SSH2: variants seen among roughly 807,000 people sequenced by gnomAD.
SSH2 encodes slingshot protein phosphatase 2, also known as protein phosphatase Slingshot homolog 2.
SSH2 carries 37 observed loss-of-function variants against 135.2 expected under a neutral mutation model. That is an observed-to-expected ratio of 0.27 (90% CI 0.21 to 0.36). SSH2 has a LOEUF of 0.36. SSH2 is among the 10% of genes least tolerant of loss of function. The pLI, the probability that SSH2 is intolerant of heterozygous loss-of-function variation, is 1.00. For missense variants in SSH2, 1,408 were observed against 1,765.3 expected (o/e 0.80, Z 3.63); for synonymous variants, 628 against 646.2 (o/e 0.97, Z 0.43).
At chr17:29,734,458 C>T (rs1394208754) in intron 3 of SSH2, among the ~76,000 whole-genome samples, 1 of 152,044 alleles carries the variant, frequency 6.6e-6, no homozygotes, top group Non-Finnish European at 1.5e-5. Flanking sequence ...AATTCTTGGC[C>T]CTCAGTGCAC....
chr17:29,651,674 T>C (rs536502365), intron 12 of SSH2, among the ~76,000 whole-genome samples: 1 of 152,316 alleles, frequency 6.6e-6, no homozygotes, highest in South Asian at 2.1e-4. Flanking sequence ...AATGTGAAGT[T>C]CCATAAACCC....
At chr17:29,675,602 T>A (rs1479485905) in intron 8 of SSH2, among the ~76,000 whole-genome samples, 1 of 151,746 alleles carries the variant, frequency 6.6e-6, no homozygotes. Context: ...AAGACCAGCC[T>A]GGGCAACACA....
At chr17:29,696,077 AT>A (rs1328988044) in intron 4 of SSH2, among the ~76,000 whole-genome samples, 1 of 151,686 alleles carries the variant, frequency 6.6e-6, no homozygotes, top group Non-Finnish European at 1.5e-5. Flanking sequence ...AGTGACTGAT[AT>A]TATTATTATT....
At chr17:29,705,625 A>T (rs539285843) in intron 3 of SSH2, among the ~76,000 whole-genome samples, 54 of 152,304 alleles carry the variant, frequency 3.5e-4, no homozygotes, top group African/African-American at 1.3e-3. Context: ...AAATAAAAAA[A>T]CCAGTCTTTA....
At chr17:29,782,140 C>T (rs113606204) in intron 3 of SSH2, among the ~76,000 whole-genome samples, 12 of 152,276 alleles carry the variant, frequency 7.9e-5, no homozygotes, top group South Asian at 2.1e-4. Context: ...GCCACCATGC[C>T]GGCCCTATGT....
chr17:29,913,317 CAAAAAAAAAAAAA>C (rs1207663146), intron 1 of SSH2, among the ~76,000 whole-genome samples: 2 of 3,428 alleles, frequency 5.8e-4, no homozygotes, highest in Non-Finnish European at 1.1e-3. Context: ...GACGCCATCT[CAAAAAAAAAAAAA>C]AAAAAAAAAA....
At chr17:29,903,123 C>T (rs2066590565) in intron 1 of SSH2, among the ~76,000 whole-genome samples, 1 of 151,648 alleles carries the variant, frequency 6.6e-6, no homozygotes. Context: ...GAAGTAGAGG[C>T]TGCAGTGAGC....
At chr17:29,639,197 A>G (rs1249647261) in intron 14 of SSH2, among the ~76,000 whole-genome samples, 1 of 152,156 alleles carries the variant, frequency 6.6e-6, no homozygotes, top group Non-Finnish European at 1.5e-5. Flanking sequence ...CATTTTATGA[A>G]AGAGGTCTGA....
At chr17:29,739,555 G>A (rs899777723) in intron 3 of SSH2, among the ~76,000 whole-genome samples, 8 of 152,204 alleles carry the variant, frequency 5.3e-5, no homozygotes, top group African/African-American at 1.2e-4. Context: ...TGAAGATTAC[G>A]TATTTGTAGT....
chr17:29,906,101 C>T (rs1027902576), intron 1 of SSH2, among the ~76,000 whole-genome samples: 1 of 152,196 alleles, frequency 6.6e-6, no homozygotes, highest in Non-Finnish European at 1.5e-5. Flanking sequence ...TCGTCTTCTT[C>T]ACCCTTCATT....
Position 29,702,943 on chromosome 17 carries a change from T to C in SSH2, c.292+16A>G. 6.4e-7 allele frequency: 1 copy of C among 1,558,056 alleles called. No individual in the cohort carries two copies. The highest frequency in any genetic ancestry group is 8.9e-7 in the Non-Finnish European group (1 of 1,129,032). On this transcript the variant is annotated intron_variant, in intron 4 of 15. Transcript: ENST00000540801. ...TATAGTTACCAAGAAAGAAATGGTG[T>C]ATATGCAAGCATTACCTGCATGCTT...
At chr17:29,925,351 G>T (rs2067045744) in intron 1 of SSH2, 1 of 391,780 alleles carries the variant, frequency 2.6e-6, no homozygotes, top group Non-Finnish European at 4.5e-6. Flanking sequence ...GTTTCCATTA[G>T]ACAGGAGGAG....
At chr17:29,888,132 G>A (rs2066275837) in intron 1 of SSH2, among the ~76,000 whole-genome samples, 1 of 152,134 alleles carries the variant, frequency 6.6e-6, no homozygotes, top group Non-Finnish European at 1.5e-5. Flanking sequence ...CAGCTACTCA[G>A]GAGGCTGAGG....
chr17:29,924,787 A>G (rs972589322), intron 1 of SSH2, among the ~76,000 whole-genome samples: 1 of 152,168 alleles, frequency 6.6e-6, no homozygotes, highest in African/African-American at 2.4e-5. Context: ...CACATTTATA[A>G]GATTTATGTA....
chr17:29,712,728 C>T (rs996920045), intron 3 of SSH2, among the ~76,000 whole-genome samples: 7 of 151,902 alleles, frequency 4.6e-5, no homozygotes, highest in African/African-American at 1.2e-4. Context: ...TGCTTGAATC[C>T]GGGAGGTGGA....
At chr17:29,716,285 A>C (rs1438256833) in intron 3 of SSH2, 2 of 409,670 alleles carry the variant, frequency 4.9e-6, no homozygotes, top group East Asian at 1.2e-4. Context: ...ATTACAGTTG[A>C]ACCCAGGTAC....
intron 3 of SSH2, among the ~76,000 whole-genome samples, chr17:29,718,211 G>A (rs1275840193): frequency 6.6e-6 from 1 of 151,998 alleles, no homozygotes; most frequent in African/African-American, 2.4e-5. Flanking sequence ...CTATGTTTCT[G>A]ACTATTCCTT....
intron 3 of SSH2, among the ~76,000 whole-genome samples, chr17:29,719,436 C>T (rs774981188): frequency 3.3e-5 from 5 of 150,712 alleles, no homozygotes; most frequent in South Asian, 2.1e-4. Flanking sequence ...CACTTGAACC[C>T]GAGAGGTGGA....
intron 1 of SSH2, among the ~76,000 whole-genome samples, chr17:29,853,134 G>A (rs143378184): frequency 0.065 from 9,673 of 147,824 alleles, 692 homozygotes; most frequent in African/African-American, 0.17. Context: ...TTGCCCAGGC[G>A]GGAGTGCAGT....
Sources: gnomAD v4.1 joint callset for allele counts (sites outside exome capture counted in the v4.1 genomes callset) on GRCh38, gnomAD v4.1.1 for gene constraint, MANE v1.5 for transcripts, NCBI Gene and HGNC (gene_info 2026-07-23, HGNC 2026-07-21) for gene names.